The following SLC38A6 variants were observed in gnomAD, a reference collection of about 807,000 sequenced individuals.
SLC38A6 encodes the protein solute carrier family 38 member 6, also known as N system amino acid transporter NAT-1.
In SLC38A6, 73 loss-of-function variants were observed where a neutral mutation model predicts 65.0. That is an observed-to-expected ratio of 1.12 (90% CI 0.93 to 1.37). The LOEUF (loss-of-function observed/expected upper bound fraction) is 1.37, where lower values mean the gene tolerates loss of function less well. Among genes scored for constraint, SLC38A6 ranks in the 40% most tolerant of loss-of-function variants. SLC38A6 has a pLI of 0.00. For synonymous variants in SLC38A6, 183 were observed against 178.8 expected (o/e 1.02, Z -0.19); for missense variants, 561 against 531.1 (o/e 1.06, Z -0.55).
intron 5 of SLC38A6, among the ~76,000 whole-genome samples, chr14:61,025,945 G>A (rs565377800): frequency 6.6e-5 from 10 of 152,164 alleles, no homozygotes; most frequent in South Asian, 4.2e-4. Flanking sequence ...TTTTTTCCCC[G>A]TAGCACATCC....
intron 5 of SLC38A6, among the ~76,000 whole-genome samples, chr14:61,024,170 G>A (rs1453357321): frequency 6.6e-6 from 1 of 152,138 alleles, no homozygotes; most frequent in Admixed American, 6.5e-5. Context: ...CAAGGCTCTA[G>A]TGTGGTCTGA....
At chr14:61,007,436 C>G (rs1263896996) in intron 3 of SLC38A6, among the ~76,000 whole-genome samples, 1 of 152,078 alleles carries the variant, frequency 6.6e-6, no homozygotes, top group African/African-American at 2.4e-5. Context: ...TTGAGATTAA[C>G]CTGGGCAACA....
At chr14:61,053,642 T>C (rs1022498834), downstream of SLC38A6, among the ~76,000 whole-genome samples, 1 of 152,218 alleles carries the variant, frequency 6.6e-6, no homozygotes, top group Admixed American at 6.5e-5. Context: ...TGATCAGTGC[T>C]ACTGAGCTTT....
intron 3 of SLC38A6, among the ~76,000 whole-genome samples, chr14:60,999,885 G>T (rs147563818): frequency 1.8e-3 from 275 of 152,268 alleles, no homozygotes; most frequent in African/African-American, 6.5e-3. Context: ...CGTGAAACTG[G>T]TTTTGGATTT....
At chr14:61,014,966 G>A (rs967919823) in intron 3 of SLC38A6, among the ~76,000 whole-genome samples, 20 of 152,212 alleles carry the variant, frequency 1.3e-4, no homozygotes, top group African/African-American at 4.6e-4. Flanking sequence ...GTTTGGCTAT[G>A]CCCTGCCCCT....
intron 5 of SLC38A6, among the ~76,000 whole-genome samples, chr14:61,027,318 G>A (rs796264142): frequency 4.1e-4 from 63 of 152,184 alleles, no homozygotes; most frequent in African/African-American, 1.5e-3. Context: ...GTGGTTTGGG[G>A]CCACTTAACT....
At chr14:61,028,712 G>T (rs779808202) in intron 5 of SLC38A6, among the ~76,000 whole-genome samples, 1 of 151,938 alleles carries the variant, frequency 6.6e-6, no homozygotes, top group Admixed American at 6.6e-5. Flanking sequence ...AAAAGAAATC[G>T]TTGTAAACTG....
At chr14:61,017,104 T>C (rs1309217323) in intron 4 of SLC38A6, among the ~76,000 whole-genome samples, 2 of 152,116 alleles carry the variant, frequency 1.3e-5, no homozygotes, top group Non-Finnish European at 2.9e-5. Flanking sequence ...TGAAATGGCA[T>C]GATCTCAGCT....
At chr14:61,004,269 C>G (rs1595027958) in intron 3 of SLC38A6, among the ~76,000 whole-genome samples, 1 of 152,090 alleles carries the variant, frequency 6.6e-6, no homozygotes, top group East Asian at 1.9e-4. Flanking sequence ...CATTTTGTTG[C>G]ATAAAAATAA....
intron 12 of SLC38A6, among the ~76,000 whole-genome samples, chr14:61,048,652 C>T (rs1036652204): frequency 2.0e-5 from 3 of 152,090 alleles, no homozygotes; most frequent in African/African-American, 7.2e-5. Flanking sequence ...GCTTTGGATC[C>T]TTTTATCCAG....
chr14:61,064,987 G>A (rs577639908), intron 15 of SLC38A6, among the ~76,000 whole-genome samples: 1 of 152,220 alleles, frequency 6.6e-6, no homozygotes, highest in South Asian at 2.1e-4. Context: ...TAAGATGAAT[G>A]GGGGTAATTC....
At chr14:60,992,766 A>C (rs901226405) in intron 3 of SLC38A6, among the ~76,000 whole-genome samples, 3 of 151,872 alleles carry the variant, frequency 2.0e-5, no homozygotes, top group Non-Finnish European at 4.4e-5. Context: ...GCCAAACCGC[A>C]ACCTCCGCCT....
At chr14:61,074,642 A>G (rs1021392453) in intron 15 of SLC38A6, among the ~76,000 whole-genome samples, 9 of 151,916 alleles carry the variant, frequency 5.9e-5, no homozygotes, top group Non-Finnish European at 1.2e-4. Context: ...AGGAGACACA[A>G]TTCTGTCCAC....
intron 3 of SLC38A6, among the ~76,000 whole-genome samples, chr14:61,010,748 G>C (rs2039497764): frequency 6.6e-6 from 1 of 152,166 alleles, no homozygotes; most frequent in Non-Finnish European, 1.5e-5. Flanking sequence ...ATATATATCT[G>C]TTTTGGTACC....
At chr14:61,083,637 A>G in exon 17 of SLC38A6, 1 of 1,550,468 alleles carries the variant, frequency 6.4e-7, no homozygotes, top group Non-Finnish European at 8.7e-7. Flanking sequence ...AAGCCAAGGG[A>G]AGAGGCCTCA....
chr14:61,046,066 G>T lies in SLC38A6; in HGVS notation c.825-1G>T. ...CTACCTTTGTCATTTTTGTCTTTTA[G>T]TCCTTCAAAGAAAAGAATGCAGAAT... On this transcript the variant is annotated splice_acceptor_variant, in intron 11 of 15. Transcript: ENST00000267488. LOFTEE classifies it high-confidence loss of function. 6.3e-7 allele frequency: 1 copy of T among 1,586,672 alleles called. No homozygotes were observed. The highest frequency in any genetic ancestry group is 8.6e-7 in the Non-Finnish European group (1 of 1,159,284).
intron 3 of SLC38A6, among the ~76,000 whole-genome samples, chr14:61,009,716 A>T (rs2039412645): frequency 6.6e-6 from 1 of 152,048 alleles, no homozygotes; most frequent in South Asian, 2.1e-4. Context: ...TGCACTCATC[A>T]TTTTTTATGG....
At chr14:61,028,545 C>A (rs2040740777) in intron 5 of SLC38A6, among the ~76,000 whole-genome samples, 1 of 151,982 alleles carries the variant, frequency 6.6e-6, no homozygotes, top group Non-Finnish European at 1.5e-5. Flanking sequence ...CTGTTCTGTG[C>A]CAAATTGATA....
chr14:61,058,135 A>T, intron 15 of SLC38A6, among the ~76,000 whole-genome samples: 1 of 89,736 alleles, frequency 1.1e-5, no homozygotes, highest in Non-Finnish European at 2.2e-5. Flanking sequence ...TTCTGCTCTG[A>T]TTTTAGTTAT....
Sources: allele counts gnomAD v4.1 joint callset (sites outside exome capture counted in the v4.1 genomes callset), GRCh38; gene constraint gnomAD v4.1.1; transcripts MANE v1.5; gene names NCBI Gene and HGNC (gene_info 2026-07-23, HGNC 2026-07-21).